The following MAP3K1 variants were observed in gnomAD, a reference collection of about 807,000 sequenced individuals.
MAP3K1 encodes the protein MAP/ERK kinase kinase 1.
MAP3K1 carries 36 observed loss-of-function variants against 144.2 expected under a neutral mutation model. The observed-to-expected ratio is 0.25, with a 90% CI of 0.19 to 0.33. The LOEUF (loss-of-function observed/expected upper bound fraction) is 0.33. MAP3K1 is among the 10% of genes least tolerant of loss of function. The pLI is 1.00. For missense variants in MAP3K1, 1,650 were observed against 1,881.9 expected (o/e 0.88, Z 2.28); for synonymous variants, 718 against 688.7 (o/e 1.04, Z -0.67).
intron 1 of MAP3K1, among the ~76,000 whole-genome samples, chr5:56,834,634 G>C (rs774295643): frequency 2.0e-5 from 3 of 152,140 alleles, no homozygotes; most frequent in Non-Finnish European, 4.4e-5. Flanking sequence ...ACTTGAACCC[G>C]AGAGGCGGAT....
Position 56,883,789 on chromosome 5 carries a change from C to T in MAP3K1, c.3819+110C>T, listed in dbSNP as rs1306861974. 14 of 1,094,388 alleles carry T rather than the reference C, an allele frequency of 1.3e-5. No homozygotes were observed. The African/African-American group carries it at 1.9e-4, about 15-fold the overall frequency. 67.8% of individuals were successfully genotyped at this position (1,094,388 alleles called of 1,614,324 possible). A position where few individuals can be genotyped will look rare whatever the true frequency, so the allele number is the denominator to read the frequency against. On this transcript the variant is annotated intron_variant, in intron 15 of 19. Coordinates refer to ENST00000399503, the MANE Select transcript of MAP3K1 (RefSeq NM_005921.2). The stretch of plus-strand genomic sequence containing the variant: ...CGTGTGTGTACTTTAGTTCTTTAAA[C>T]TTTGAGAAACTTAGTTTCAAAGTAG...
intron 1 of MAP3K1, among the ~76,000 whole-genome samples, chr5:56,829,137 A>G (rs1255362358): frequency 6.6e-6 from 1 of 151,548 alleles, no homozygotes; most frequent in Non-Finnish European, 1.5e-5. Context: ...CTTGAATCGT[A>G]TTCACAGAAA....
rs750747739 is a variant in MAP3K1 at position 56,859,698 on chromosome 5, G to C, written c.634-17G>C. 21 of 1,567,018 alleles carry C rather than the reference G, an allele frequency of 1.3e-5. No individual in the cohort carries two copies. The highest frequency in any genetic ancestry group is 2.7e-5 in the African/African-American group (2 of 73,944). ...TATATTTTTAAGTAATCAAAATATT[G>C]GAATACTTTGATTCAGGTGGTAAAA... On this transcript the variant is annotated splice_polypyrimidine_tract_variant and intron_variant, in intron 2 of 19. Coordinates refer to ENST00000399503, the MANE Select transcript of MAP3K1 (RefSeq NM_005921.2).
At position 56,853,075 on chromosome 5, in the gene MAP3K1, C is replaced by T. The variant is rs1351393855; in HGVS notation, c.483-3525C>T. Among the ~76,000 whole-genome samples the T allele has an allele frequency of 2.0e-5, 3 of 152,048 alleles. No individual in the cohort carries two copies. In the East Asian group the frequency reaches 5.8e-4, roughly 29 times the overall value. The stretch of plus-strand genomic sequence containing the variant: ...CAGAGTAGATGTGATTTATTCGTGG[C>T]AAATACAATAGGATTTACTATATAT... On this transcript the variant is annotated intron_variant, in intron 1 of 19. Transcript: ENST00000399503.
In MAP3K1 at chr5:56,895,319, A is replaced by C. The variant is rs933376247; in HGVS notation, c.*1639A>C. On this transcript the variant is annotated 3_prime_UTR_variant, in exon 20 of 20. Coordinates refer to ENST00000399503, the MANE Select transcript of MAP3K1 (RefSeq NM_005921.2). ...AGTTAAAAATAGTACAGAAATGTGA[A>C]GTTTGGTATCTCTAAATGTGTTGTA... The C allele has an allele frequency of 4.3e-6, 1 of 231,672 alleles. No homozygotes were observed. The highest frequency in any genetic ancestry group is 8.5e-6 in the Non-Finnish European group (1 of 117,268). The allele number at this position is 231,672 out of a possible 1,614,324, so 14.4% of individuals were successfully genotyped here. A position where few individuals can be genotyped will look rare whatever the true frequency, so the allele number is the denominator to read the frequency against.
intron 1 of MAP3K1, among the ~76,000 whole-genome samples, chr5:56,822,572 T>G (rs1410061866): frequency 6.6e-6 from 1 of 152,232 alleles, no homozygotes; most frequent in African/African-American, 2.4e-5. Flanking sequence ...GGCGCCCATC[T>G]TCATTCTCTT....
intron 1 of MAP3K1, among the ~76,000 whole-genome samples, chr5:56,837,564 G>C (rs912872956): frequency 2.6e-5 from 4 of 152,170 alleles, no homozygotes; most frequent in Admixed American, 2.6e-4. Flanking sequence ...ATATTGGAAA[G>C]GCATTGCTTC....
intron 3 of MAP3K1, chr5:56,862,076 A>G (rs1188380765): frequency 1.3e-5 from 2 of 152,336 alleles, no homozygotes; most frequent in South Asian, 2.1e-4. Context: ...TAGCTCACGA[A>G]TCTGCAGATT....
At chr5:56,880,449 A>AT (rs1748170194) in intron 11 of MAP3K1, among the ~76,000 whole-genome samples, 1 of 152,176 alleles carries the variant, frequency 6.6e-6, no homozygotes, top group Non-Finnish European at 1.5e-5. Context: ...CTGATTTGGT[A>AT]TTTAAATCAG....
At chr5:56,883,992 T>C (rs1009660978) in intron 15 of MAP3K1, among the ~76,000 whole-genome samples, 27 of 151,988 alleles carry the variant, frequency 1.8e-4, no homozygotes, top group Admixed American at 1.6e-3. Context: ...CTACTAAAAA[T>C]ACAAAAATCG....
At chr5:56,853,967 C>G (rs1283952078) in intron 1 of MAP3K1, among the ~76,000 whole-genome samples, 2 of 152,044 alleles carry the variant, frequency 1.3e-5, no homozygotes, top group African/African-American at 4.8e-5. Flanking sequence ...GGGTAAGATT[C>G]AAAGTTAAAG....
At position 56,868,755 on chromosome 5, in the gene MAP3K1, G is replaced by A. The variant is rs545295044; in HGVS notation, c.1301+2778G>A. Among the ~76,000 whole-genome samples the A allele has an allele frequency of 7.2e-5, 11 of 152,248 alleles. No individual in the cohort carries two copies. The South Asian group carries it at 2.3e-3, about 32-fold the overall frequency. Reference sequence around the variant, plus strand: ...CAACATTAATGGATACTTAAAACAGGATCTATCTAGTCAGTGGAAAATTAT... The same window carrying A: ...CAACATTAATGGATACTTAAAACAGAATCTATCTAGTCAGTGGAAAATTAT... On this transcript the variant is annotated intron_variant, in intron 6 of 19. Coordinates refer to ENST00000399503, the MANE Select transcript of MAP3K1 (RefSeq NM_005921.2).
chr5:56,834,262 G>C (rs1336086382), intron 1 of MAP3K1, among the ~76,000 whole-genome samples: 2 of 152,180 alleles, frequency 1.3e-5, no homozygotes, highest in Non-Finnish European at 2.9e-5. Context: ...ACTGTGCTAG[G>C]AACTGAGTGA....
At chr5:56,877,394 A>G (rs1448096267) in intron 10 of MAP3K1, among the ~76,000 whole-genome samples, 1 of 152,158 alleles carries the variant, frequency 6.6e-6, no homozygotes, top group Non-Finnish European at 1.5e-5. Flanking sequence ...CAAAGATTGT[A>G]TAAAGGATAC....
chr5:56,826,528 C>G (rs917686540), intron 1 of MAP3K1, among the ~76,000 whole-genome samples: 2 of 151,866 alleles, frequency 1.3e-5, no homozygotes, highest in South Asian at 4.2e-4. Context: ...TATTACTGTC[C>G]TTGAGAATAA....
At position 56,893,545 on chromosome 5, in the gene MAP3K1, T is replaced by C; in HGVS notation, c.4404T>C (p.Thr1468=). 6.2e-7 allele frequency: 1 copy of C among 1,613,942 alleles called. No individual in the cohort carries two copies. The highest frequency in any genetic ancestry group is 8.5e-7 in the Non-Finnish European group (1 of 1,179,828). Residue 1468 remains threonine, a synonymous_variant, in exon 20 of 20, where the codon ACT becomes ACC. Coordinates refer to ENST00000399503, the MANE Select transcript of MAP3K1 (RefSeq NM_005921.2). The stretch of plus-strand genomic sequence containing the variant: ...TTTCTCCACAGATTGCTAGTGCAAC[T>C]ACTGCTCCATCGATCCCTTCACATT... ...LALIFKIASA[T]TAPSIPSHLS...
chr5:56,881,969 T>G lies in MAP3K1; in HGVS notation c.2769T>G (p.Ser923Arg), dbSNP rs1237166927. 1 of 1,613,942 alleles carries G rather than the reference T, an allele frequency of 6.2e-7. No homozygotes were observed. Among genetic ancestry groups the G allele is most frequent in the Non-Finnish European group, 8.5e-7 (1 of 1,180,038 alleles). Residue 923 changes from serine (S) to arginine (R), a missense_variant, in exon 14 of 20, where the codon AGT (serine) becomes AGG (arginine). Transcript: ENST00000399503. ...KGLCATKLSA[S>R]SEDISERLAS... ...TATGTGCTACAAAATTGAGTGCCAG[T>G]TCAGAGGACATTTCTGAGAGACTGG... is the stretch of plus-strand genomic sequence containing the variant.
intron 1 of MAP3K1, among the ~76,000 whole-genome samples, chr5:56,826,603 G>A (rs1487459496): frequency 6.6e-6 from 1 of 152,344 alleles, no homozygotes; most frequent in Middle Eastern, 3.4e-3. Flanking sequence ...GCTTGATGAC[G>A]ATGTAAGCAT....
chr5:56,834,495 T>C (rs832586), intron 1 of MAP3K1, among the ~76,000 whole-genome samples: 130,977 of 152,142 alleles, frequency 0.86, 56,702 homozygotes, highest in South Asian at 0.93. Flanking sequence ...GGGTGGATCA[T>C]GAGGTCAGGA....
Sources: gnomAD v4.1 joint callset for allele counts (sites outside exome capture counted in the v4.1 genomes callset) on GRCh38, gnomAD v4.1.1 for gene constraint, MANE v1.5 for transcripts, NCBI Gene and HGNC (gene_info 2026-07-23, HGNC 2026-07-21) for gene names.